LINC00305: variants seen among roughly 807,000 people sequenced by gnomAD.
LINC00305 encodes long intergenic non-protein coding RNA 305.
chr18:64,120,300 G>T (rs1454865258), intron 1 of LINC00305, among the ~76,000 whole-genome samples: 1 of 151,976 alleles, frequency 6.6e-6, no homozygotes, highest in Non-Finnish European at 1.5e-5. Flanking sequence ...AGTTTAAAGA[G>T]ATTCTAAATC....
chr18:64,143,597 T>A (rs1404799190), intron 1 of LINC00305, among the ~76,000 whole-genome samples: 2 of 91,434 alleles, frequency 2.2e-5, no homozygotes, highest in East Asian at 4.9e-4. Context: ...TATGTACACA[T>A]ATGTATATGT....
chr18:64,120,528 TATA>T (rs748046644), intron 1 of LINC00305, among the ~76,000 whole-genome samples: 4 of 150,264 alleles, frequency 2.7e-5, no homozygotes, highest in Non-Finnish European at 4.5e-5. Flanking sequence ...AATTGTTGAG[TATA>T]ATATTTGTTT....
chr18:64,124,466 AG>A (rs1276945552), intron 1 of LINC00305, among the ~76,000 whole-genome samples: 1 of 152,132 alleles, frequency 6.6e-6, no homozygotes, highest in Admixed American at 6.6e-5. Flanking sequence ...ATGCTCTGCC[AG>A]GTAGAACACC....
chr18:64,093,588 C>A (rs1341693998), intron 3 of LINC00305, among the ~76,000 whole-genome samples: 1 of 152,226 alleles, frequency 6.6e-6, no homozygotes, highest in African/African-American at 2.4e-5. Flanking sequence ...CCTACCTTGG[C>A]CTCCCAAAGT....
intron 1 of LINC00305, among the ~76,000 whole-genome samples, chr18:64,115,711 C>T (rs2051334567): frequency 6.6e-6 from 1 of 152,064 alleles, no homozygotes; most frequent in Non-Finnish European, 1.5e-5. Context: ...AGGATCCTTG[C>T]CTTCCTTTTT....
At chr18:64,124,995 C>A (rs2051378656) in intron 1 of LINC00305, among the ~76,000 whole-genome samples, 1 of 152,056 alleles carries the variant, frequency 6.6e-6, no homozygotes, top group African/African-American at 2.4e-5. Flanking sequence ...TCATTGTTTT[C>A]TTTTCCTAAC....
intron 1 of LINC00305, among the ~76,000 whole-genome samples, chr18:64,128,967 T>TCAATTGTAAAA (rs2051397503): frequency 6.6e-6 from 1 of 152,184 alleles, no homozygotes; most frequent in East Asian, 1.9e-4. Context: ...TTACACGGGA[T>TCAATTGTAAAA]CAATTGTAAA....
intron 3 of LINC00305, among the ~76,000 whole-genome samples, chr18:64,085,980 A>C (rs561238877): frequency 6.6e-6 from 1 of 152,346 alleles, no homozygotes; most frequent in South Asian, 2.1e-4. Context: ...GCAGTTGTCC[A>C]TAGCATTTCA....
At position 64,143,593 on chromosome 18, in the gene LINC00305, C is replaced by T. The variant is rs935928874; in HGVS notation, n.314+5182G>A. 1.9e-3 allele frequency among the ~76,000 whole-genome samples: 157 copies of T among 81,898 alleles called. 12 individuals carry two copies. Among genetic ancestry groups the T allele is most frequent in the African/African-American group, 5.8e-3 (84 of 14,500 alleles). The allele number at this position is 81,898 out of a possible 152,430, so 53.7% of individuals were successfully genotyped here. On this transcript the variant is annotated intron_variant and non_coding_transcript_variant, in intron 1 of 3. Transcript: ENST00000666468. ...ACACATATGTATATGTACATATGTACACATATGTATATGTACATATGTACA... is the reference window on the plus strand; with the variant it reads ...ACACATATGTATATGTACATATGTATACATATGTATATGTACATATGTACA...
intron 1 of LINC00305, among the ~76,000 whole-genome samples, chr18:64,129,305 C>A (rs532632216): frequency 1.4e-4 from 21 of 152,108 alleles, no homozygotes; most frequent in African/African-American, 4.3e-4. Flanking sequence ...TCTTAAATGA[C>A]TGATTTGCTA....
chr18:64,145,975 T>A (rs748077578), intron 1 of LINC00305, among the ~76,000 whole-genome samples: 17 of 152,076 alleles, frequency 1.1e-4, no homozygotes, highest in South Asian at 4.1e-4. Flanking sequence ...GTTAGAAAAA[T>A]GTGGGGTACT....
intron 1 of LINC00305, among the ~76,000 whole-genome samples, chr18:64,100,979 ACCT>A (rs954335935): frequency 6.6e-5 from 10 of 152,188 alleles, no homozygotes; most frequent in African/African-American, 2.2e-4. Flanking sequence ...CTCTGTGAAA[ACCT>A]CCTGTGAAAA....
intron 3 of LINC00305, among the ~76,000 whole-genome samples, chr18:64,088,152 A>C (rs1225895575): frequency 6.6e-6 from 1 of 152,160 alleles, no homozygotes; most frequent in Non-Finnish European, 1.5e-5. Flanking sequence ...GAAAAAAAAA[A>C]AAGAAAGTCA....
chr18:64,145,386 A>T lies in LINC00305; in HGVS notation n.314+3389T>A, dbSNP rs1599235333. On this transcript the variant is annotated intron_variant and non_coding_transcript_variant, in intron 1 of 3. Transcript: ENST00000666468. ...ACTAACCTACCCCCGCCCTGACTAA[A>T]CTTAATAATAAATGCTGGTATATCC... 3.3e-5 allele frequency among the ~76,000 whole-genome samples: 5 copies of T among 152,178 alleles called. No homozygotes were observed. The South Asian group carries it at 1.0e-3, about 32-fold the overall frequency.
At chr18:64,118,697 A>G (rs1226083740) in intron 1 of LINC00305, among the ~76,000 whole-genome samples, 2 of 152,104 alleles carry the variant, frequency 1.3e-5, no homozygotes, top group Non-Finnish European at 2.9e-5. Flanking sequence ...TAAATTTAAA[A>G]TTATGCTCAT....
At chr18:64,144,516 A>AT (rs113376807) in intron 1 of LINC00305, among the ~76,000 whole-genome samples, 33,016 of 151,440 alleles carry the variant, frequency 0.22, 3,828 homozygotes, top group Non-Finnish European at 0.24. Flanking sequence ...TTAATGATTA[A>AT]TTTTTTTTTG....
intron 1 of LINC00305, among the ~76,000 whole-genome samples, chr18:64,141,137 G>A (rs1287312733): frequency 6.6e-6 from 1 of 150,740 alleles, no homozygotes; most frequent in Admixed American, 6.6e-5. Flanking sequence ...TTTTTGGCCT[G>A]TGAAACTTTA....
intron 1 of LINC00305, among the ~76,000 whole-genome samples, chr18:64,107,807 G>A (rs570737642): frequency 6.6e-6 from 1 of 152,196 alleles, no homozygotes; most frequent in Non-Finnish European, 1.5e-5. Context: ...GAGGATTAAA[G>A]GTCGGTGAGG....
chr18:64,129,723 T>G, intron 1 of LINC00305, among the ~76,000 whole-genome samples: 1 of 152,116 alleles, frequency 6.6e-6, no homozygotes. Context: ...TATTTTACAT[T>G]TTGCCTTATG....
Sources: gnomAD v4.1 joint callset for allele counts (sites outside exome capture counted in the v4.1 genomes callset) on GRCh38, gnomAD v4.1.1 for gene constraint, MANE v1.5 for transcripts, NCBI Gene and HGNC (gene_info 2026-07-23, HGNC 2026-07-21) for gene names.